The following MED13 variants were observed in gnomAD, a reference collection of about 807,000 sequenced individuals.
The protein encoded by MED13 is mediator of RNA polymerase II transcription subunit 13.
Under a neutral mutation model 225.2 loss-of-function variants are expected in MED13, and 23 were observed. The ratio of observed to expected loss-of-function variants is 0.10; its 90% confidence interval spans 0.07 to 0.14. The LOEUF (loss-of-function observed/expected upper bound fraction) is 0.14. Ranked by LOEUF, MED13 falls within the 10% of genes least tolerant of loss-of-function variation. The probability of loss-of-function intolerance (pLI) is 1.00; values close to 1 mark genes in which losing one functional copy is unlikely to be tolerated. For missense variants in MED13, 2,197 were observed against 2,594.5 expected (o/e 0.85, Z 3.33); for synonymous variants, 942 against 889.2 (o/e 1.06, Z -1.06).
At chr17:62,036,463 GGAT>G (rs1175033611) in intron 3 of MED13, among the ~76,000 whole-genome samples, 1 of 152,050 alleles carries the variant, frequency 6.6e-6, no homozygotes, top group Non-Finnish European at 1.5e-5. Context: ...GCGCAGAGGA[GGAT>G]AAGAGTGTAC....
chr17:61,951,104 C>A, intron 27 of MED13, 106 bp from the exon 28 acceptor site: 3 of 789,606 alleles, frequency 3.8e-6, no homozygotes, highest in South Asian at 2.7e-5. Context: ...CTTATGACAT[C>A]GATTTAATAA....
At chr17:62,019,018 C>T (rs1013821927) in intron 8 of MED13, among the ~76,000 whole-genome samples, 6 of 152,296 alleles carry the variant, frequency 3.9e-5, no homozygotes, top group African/African-American at 1.4e-4. Flanking sequence ...TTCCAACCAA[C>T]CCTTAAGAAA....
At chr17:62,048,398 CAAAAAA>C (rs555420453) in intron 3 of MED13, among the ~76,000 whole-genome samples, 839 of 68,108 alleles carry the variant, frequency 0.012, 5 homozygotes, top group Middle Eastern at 0.031. Context: ...GAGACTGTTT[CAAAAAA>C]AAAAAAAAAA....
At chr17:62,032,559 G>C (rs891337191) in intron 5 of MED13, 3 of 151,382 alleles carry the variant, frequency 2.0e-5, no homozygotes, top group Non-Finnish European at 4.4e-5. Flanking sequence ...AATACAATAT[G>C]GTAGATTCTA....
At position 62,010,729 on chromosome 17, in the gene MED13, A is replaced by G. The variant is rs1463066456; in HGVS notation, c.1788T>C (p.Pro596=). The change falls in exon 9 of 30, where the codon CCT becomes CCC. Residue 596 remains proline (P), a synonymous_variant. Transcript: ENST00000397786. The part of the protein sequence containing the change: ...FPPQYQEAVE[P]TVYVGTAVNL... Reference sequence around the variant, plus strand: ...TTACTGCTGTACCAACATATACTGTAGGTTCTACAGCTTCCTGATATTGAG... The same window carrying G: ...TTACTGCTGTACCAACATATACTGTGGGTTCTACAGCTTCCTGATATTGAG... The G allele has an allele frequency of 6.2e-7, 1 of 1,612,586 alleles. No homozygotes were observed. The highest frequency in any genetic ancestry group is 8.5e-7 in the Non-Finnish European group (1 of 1,179,196).
intron 3 of MED13, among the ~76,000 whole-genome samples, chr17:62,037,600 C>A (rs1238192787): frequency 7.0e-6 from 1 of 142,868 alleles, no homozygotes; most frequent in Admixed American, 7.2e-5. Flanking sequence ...CCAGGAGACG[C>A]AGGTTGCAGT....
At chr17:62,057,650 T>G (rs1035425551) in intron 2 of MED13, among the ~76,000 whole-genome samples, 4 of 152,224 alleles carry the variant, frequency 2.6e-5, no homozygotes, top group African/African-American at 9.7e-5. Flanking sequence ...TCCACTACAG[T>G]TAATATCCTT....
Position 61,982,600 on chromosome 17 carries a change from C to T in MED13, c.3403G>A (p.Gly1135Arg). ...TCAAGAAATAATCCTGAATTGTTTCCAAATTTTCTGTTCATGACAGCACTG... is the reference window on the plus strand; with the variant it reads ...TCAAGAAATAATCCTGAATTGTTTCTAAATTTTCTGTTCATGACAGCACTG... Reference protein sequence around the residue: ...GFSAVMNRKFGNNSGLFLEDE... With the variant: ...GFSAVMNRKFRNNSGLFLEDE... The change falls in exon 16 of 30, where the codon GGA becomes AGA. Residue 1135 changes from glycine (G) to arginine (R), a missense_variant. Physicochemically the swap from Gly to Arg is moderately radical, Grantham distance 125. Coordinates refer to ENST00000397786, the MANE Select transcript of MED13 (RefSeq NM_005121.3). The T allele has an allele frequency of 6.2e-7, 1 of 1,614,102 alleles. No homozygotes were observed. The highest frequency in any genetic ancestry group is 8.5e-7 in the Non-Finnish European group (1 of 1,180,028).
chr17:61,956,502 G>C (rs753913655), intron 23 of MED13, 21 bp from the exon 24 acceptor site: 1 of 1,586,980 alleles, frequency 6.3e-7, no homozygotes. Flanking sequence ...AATAAAGAGA[G>C]TGTCATAAAT....
chr17:62,057,933 T>A (rs969591810), intron 2 of MED13, among the ~76,000 whole-genome samples: 16 of 152,202 alleles, frequency 1.1e-4, no homozygotes, highest in Admixed American at 9.8e-4. Context: ...TTTGCTTTTA[T>A]TTTTATTTAA....
At chr17:62,014,359 C>T (rs1211961741) in intron 8 of MED13, among the ~76,000 whole-genome samples, 1 of 149,496 alleles carries the variant, frequency 6.7e-6, no homozygotes, top group Admixed American at 6.6e-5. Context: ...CTCTGTCACC[C>T]AGGCTGGAGT....
chr17:62,038,478 T>A (rs2080825450), intron 3 of MED13, among the ~76,000 whole-genome samples: 1 of 152,174 alleles, frequency 6.6e-6, no homozygotes, highest in Non-Finnish European at 1.5e-5. Context: ...TTTTAAAAAT[T>A]ATTTTAAAAG....
chr17:62,011,265 C>T (rs557409048), intron 8 of MED13, 32 bp from the exon 9 acceptor site: 1 of 1,573,504 alleles, frequency 6.4e-7, no homozygotes, highest in African/African-American at 1.4e-5. Flanking sequence ...TTCATATTTA[C>T]AGTATCACTA....
chr17:62,037,815 T>G (rs2080817698), intron 3 of MED13, among the ~76,000 whole-genome samples: 1 of 151,070 alleles, frequency 6.6e-6, no homozygotes, highest in South Asian at 2.1e-4. Flanking sequence ...ATTAGCTGGG[T>G]GTGGTGGCAC....
At chr17:62,033,082 G>A (rs1046998759) in intron 5 of MED13, among the ~76,000 whole-genome samples, 5 of 152,028 alleles carry the variant, frequency 3.3e-5, no homozygotes, top group African/African-American at 1.2e-4. Context: ...CCTGGGAGGC[G>A]GAGGAGGTTG....
rs60150569 is a variant in MED13 at position 61,951,484 on chromosome 17, A to G, written c.6118-486T>C. Among the ~76,000 whole-genome samples, 937 of 152,302 alleles carry G rather than the reference A, an allele frequency of 6.2e-3. 11 individuals carry two copies. Among genetic ancestry groups the G allele is most frequent in the African/African-American group, 0.021 (868 of 41,568 alleles). On this transcript the variant is annotated intron_variant, in intron 27 of 29. Coordinates refer to ENST00000397786, the MANE Select transcript of MED13 (RefSeq NM_005121.3). ...ACCAAGTCACATGCATATCCTTTGG[A>G]TTAGTTAATGTATTTCTTGGTATTT...
intron 5 of MED13, chr17:62,032,270 T>TC (rs968101657): frequency 5.9e-5 from 9 of 151,846 alleles, no homozygotes; most frequent in African/African-American, 2.2e-4. Flanking sequence ...AGTCAGGAGT[T>TC]CAAGAGCAAC....
At chr17:62,034,175 T>C (rs893493985) in intron 4 of MED13, among the ~76,000 whole-genome samples, 191 bp from the exon 5 acceptor site, 1 of 152,214 alleles carries the variant, frequency 6.6e-6, no homozygotes, top group African/African-American at 2.4e-5. Flanking sequence ...GAGTTTATTA[T>C]ATAAACTGTT....
intron 3 of MED13, 26 bp downstream of exon 3, chr17:62,052,511 T>C (rs2080965029): frequency 6.7e-7 from 1 of 1,493,910 alleles, no homozygotes; most frequent in Non-Finnish European, 9.0e-7. Context: ...TAAAGAAATA[T>C]CACGTCAGAA....
Sources: allele counts gnomAD v4.1 joint callset (sites outside exome capture counted in the v4.1 genomes callset), GRCh38; gene constraint gnomAD v4.1.1; transcripts MANE v1.5; gene names NCBI Gene and HGNC (gene_info 2026-07-23, HGNC 2026-07-21).